Variants in SNRPA observed in about 807,000 individuals in gnomAD.
SNRPA encodes the protein small nuclear ribonucleoprotein polypeptide A.
A neutral mutation model predicts 24.5 loss-of-function variants in SNRPA; 10 were observed. The observed-to-expected ratio is 0.41, with a 90% confidence interval of 0.25 to 0.69. SNRPA has a LOEUF of 0.69. Ranked by LOEUF, SNRPA falls within the 30% of genes least tolerant of loss-of-function variation. The probability of loss-of-function intolerance (pLI) is 0.33; values close to 1 mark genes in which losing one functional copy is unlikely to be tolerated. For synonymous variants in SNRPA, 165 were observed against 148.4 expected (o/e 1.11, Z -0.81); for missense variants, 283 against 394.7 (o/e 0.72, Z 2.40).
chr19:40,762,689 C>T (rs1260011179), intron 3 of SNRPA, among the ~76,000 whole-genome samples: 3 of 152,174 alleles, frequency 2.0e-5, no homozygotes, highest in Non-Finnish European at 4.4e-5. Context: ...ATCCTCCTAC[C>T]TCAGCCTCAC....
At position 40,757,328 on chromosome 19, in the gene SNRPA, G is replaced by GC. The variant is rs772708317; in HGVS notation, c.74-3dup. The GC allele has an allele frequency of 6.2e-7, 1 of 1,613,724 alleles. No homozygotes were observed. Among genetic ancestry groups the GC allele is most frequent in the South Asian group, 1.1e-5 (1 of 91,058 alleles). ...CTCAAAGGTCTTTTTTTCCCCCACT[G>GC]CAGAGCTAAAAAAGTCCCTGTACGC... On this transcript the variant is annotated splice_region_variant and splice_polypyrimidine_tract_variant and intron_variant, in intron 1 of 5. Transcript: ENST00000243563.
At position 40,751,274 on chromosome 19, in the gene SNRPA, C is replaced by T. The variant is rs1351730350; in HGVS notation, c.-135C>T. On this transcript the variant is annotated 5_prime_UTR_variant, in exon 1 of 6. Transcript: ENST00000243563. The stretch of plus-strand genomic sequence containing the variant: ...GTCGCGCTTTGCCTCCGTCCTTGCC[C>T]CTACTCCCGCCTTACCTGACTTCCT... 1.6e-5 allele frequency: 12 copies of T among 736,692 alleles called. No homozygotes were observed. Among genetic ancestry groups the T allele is most frequent in the Non-Finnish European group, 2.7e-5 (11 of 400,766 alleles). 45.6% of individuals were successfully genotyped at this position (736,692 alleles called of 1,614,324 possible). A position where few individuals can be genotyped will look rare whatever the true frequency, so the allele number is the denominator to read the frequency against.
At chr19:40,753,598 T>C (rs1053673538) in intron 1 of SNRPA, among the ~76,000 whole-genome samples, 17 of 150,488 alleles carry the variant, frequency 1.1e-4, no homozygotes, top group African/African-American at 3.9e-4. Context: ...GGTTTCACCA[T>C]GTTGGCCAGG....
intron 1 of SNRPA, among the ~76,000 whole-genome samples, chr19:40,753,367 G>C (rs1283426851): frequency 7.5e-6 from 1 of 133,310 alleles, no homozygotes; most frequent in Non-Finnish European, 1.6e-5. Flanking sequence ...AAAATCAGGA[G>C]TGTAAATTTT....
chr19:40,762,923 C>G lies in SNRPA; in HGVS notation c.449C>G (p.Ala150Gly). Reference sequence around the variant, plus strand: ...CAGGGCATGCCGCCGATGACTCAGGCGCCCCGCATTATGCACCACATGCCG... The same window carrying G: ...CAGGGCATGCCGCCGATGACTCAGGGGCCCCGCATTATGCACCACATGCCG... ...PVPGMPPMTQAPRIMHHMPGQ... is the reference protein window; with the variant it reads ...PVPGMPPMTQGPRIMHHMPGQ... Residue 150 changes from alanine to glycine, a missense_variant, in exon 4 of 6, where the codon GCG (alanine) becomes GGG (glycine). Coordinates refer to ENST00000243563, the MANE Select transcript of SNRPA (RefSeq NM_004596.5). The G allele has an allele frequency of 6.2e-7, 1 of 1,613,722 alleles. No individual in the cohort carries two copies. The highest frequency in any genetic ancestry group is 8.5e-7 in the Non-Finnish European group (1 of 1,179,928).
At chr19:40,753,963 G>A (rs1459750955) in intron 1 of SNRPA, among the ~76,000 whole-genome samples, 1 of 151,424 alleles carries the variant, frequency 6.6e-6, no homozygotes, top group Non-Finnish European at 1.5e-5. Context: ...CAGCACACCC[G>A]GCTAATTTTT....
At chr19:40,753,813 T>C (rs1389399254) in intron 1 of SNRPA, among the ~76,000 whole-genome samples, 2 of 151,812 alleles carry the variant, frequency 1.3e-5, no homozygotes, top group African/African-American at 4.8e-5. Flanking sequence ...TTATTTATTT[T>C]TGAGACGGAG....
intron 5 of SNRPA, among the ~76,000 whole-genome samples, chr19:40,764,548 C>T (rs1325330270): frequency 1.3e-5 from 2 of 152,166 alleles, no homozygotes; most frequent in East Asian, 1.9e-4. Flanking sequence ...AGGGTAAGGC[C>T]GGGTGCGGTG....
chr19:40,754,760 T>C (rs1599726587), intron 1 of SNRPA, among the ~76,000 whole-genome samples: 2 of 151,812 alleles, frequency 1.3e-5, no homozygotes, highest in African/African-American at 2.4e-5. Flanking sequence ...GCCCTGAGGG[T>C]GTTGGGGAGC....
chr19:40,755,122 G>GCCA (rs2082902966), intron 1 of SNRPA, among the ~76,000 whole-genome samples: 1 of 151,798 alleles, frequency 6.6e-6, no homozygotes, highest in Non-Finnish European at 1.5e-5. Flanking sequence ...TGTCACCCAG[G>GCCA]CTGGAGTGCA....
At chr19:40,751,524 G>T in intron 1 of SNRPA, 43 bp downstream of exon 1, 1 of 1,432,786 alleles carries the variant, frequency 7.0e-7, no homozygotes, top group East Asian at 2.3e-5. Flanking sequence ...GTCCCGCACG[G>T]GCTGGCCCCT....
chr19:40,752,579 C>CAAAAAAA (rs59705765), intron 1 of SNRPA, among the ~76,000 whole-genome samples: 2 of 61,280 alleles, frequency 3.3e-5, no homozygotes, highest in African/African-American at 1.3e-4. Context: ...CTTTTCTCTA[C>CAAAAAAA]AAAAAAAAAA....
At chr19:40,764,191 G>A (rs2082944979) in intron 5 of SNRPA, among the ~76,000 whole-genome samples, 1 of 152,174 alleles carries the variant, frequency 6.6e-6, no homozygotes, top group South Asian at 2.1e-4. Flanking sequence ...TCATCTGGTG[G>A]TTCTGTTTCA....
chr19:40,763,370 A>G (rs1260758944), intron 4 of SNRPA: 3 of 606,210 alleles, frequency 4.9e-6, no homozygotes, highest in Admixed American at 5.7e-5. Context: ...GGGCTGCAGC[A>G]GGGACTGAGA....
At chr19:40,763,344 C>A (rs1236152890) in intron 4 of SNRPA, 6 of 595,522 alleles carry the variant, frequency 1.0e-5, no homozygotes, top group Non-Finnish European at 1.8e-5. Context: ...CGTGCCAGGC[C>A]CCGTTCTGCA....
At chr19:40,751,549 A>G in intron 1 of SNRPA, 68 bp downstream of exon 1, 1 of 1,053,938 alleles carries the variant, frequency 9.5e-7, no homozygotes, top group Middle Eastern at 2.8e-4. Context: ...CGTCCCCTGC[A>G]CCCGCCTCTC....
intron 3 of SNRPA, 23 bp from the exon 4 acceptor site, chr19:40,762,878 C>T (rs1435859148): frequency 6.2e-7 from 1 of 1,611,018 alleles, no homozygotes; most frequent in East Asian, 2.2e-5. Context: ...TGTAACCACG[C>T]ACTCTCCTCC....
intron 2 of SNRPA, 79 bp from the exon 3 acceptor site, chr19:40,759,350 CCT>C: frequency 7.2e-7 from 1 of 1,383,770 alleles, no homozygotes; most frequent in Non-Finnish European, 9.8e-7. Flanking sequence ...GCACCTGGCC[CCT>C]GATAAAGGTC....
At chr19:40,756,036 G>A (rs1288593499) in intron 1 of SNRPA, among the ~76,000 whole-genome samples, 4 of 152,018 alleles carry the variant, frequency 2.6e-5, no homozygotes, top group African/African-American at 4.8e-5. Context: ...CTTTGGGGAA[G>A]CCAAGGCAGG....
Sources: allele counts gnomAD v4.1 joint callset (sites outside exome capture counted in the v4.1 genomes callset), GRCh38; gene constraint gnomAD v4.1.1; transcripts MANE v1.5; gene names NCBI Gene and HGNC (gene_info 2026-07-23, HGNC 2026-07-21).